The following CASP6 variants were observed in gnomAD, a reference collection of about 807,000 sequenced individuals.
CASP6 encodes the protein caspase 6.
A neutral mutation model predicts 31.8 loss-of-function variants in CASP6; 20 were observed. The ratio of observed to expected loss-of-function variants is 0.63; its 90% confidence interval spans 0.44 to 0.91. The LOEUF is 0.91. Ranked by LOEUF, CASP6 falls within the 40% of genes least tolerant of loss-of-function variation. The pLI is 0.00. For synonymous variants in CASP6, 130 were observed against 127.8 expected (o/e 1.02, Z -0.12); for missense variants, 328 against 361.1 (o/e 0.91, Z 0.74).
At chr4:109,678,320 G>A in the CASP6 span, among the ~76,000 whole-genome samples, 33 of 152,332 alleles carry the variant, frequency 2.2e-4, no homozygotes, top group South Asian at 6.2e-4. Context: ...TGTTCTCGAT[G>A]GTCGCTGTCT....
intron 5 of CASP6, among the ~76,000 whole-genome samples, chr4:109,693,517 A>G (rs955163013): frequency 1.3e-5 from 2 of 151,880 alleles, no homozygotes; most frequent in Non-Finnish European, 2.9e-5. Context: ...GTGAAACCCC[A>G]TCTCTATGAA....
In CASP6 at chr4:109,688,818, G is replaced by C. The variant is rs1471208345; in HGVS notation, c.*512C>G. 1 of 150,356 alleles carries C rather than the reference G, an allele frequency of 6.7e-6. No individual in the cohort carries two copies. The highest frequency in any genetic ancestry group is 1.5e-5 in the Non-Finnish European group (1 of 67,818). The allele number at this position is 150,356 out of a possible 1,614,324, so 9.3% of individuals were successfully genotyped here. Reference sequence around the variant, plus strand: ...AATTTTTATTTATCTAATTTCCTGAGGATTTTGTTTCTCCATATCAAACCC... The same window carrying C: ...AATTTTTATTTATCTAATTTCCTGACGATTTTGTTTCTCCATATCAAACCC... On this transcript the variant is annotated 3_prime_UTR_variant, in exon 7 of 7. Transcript: ENST00000265164.
intron 5 of CASP6, among the ~76,000 whole-genome samples, chr4:109,694,068 G>A (rs1054557194): frequency 6.6e-6 from 1 of 152,160 alleles, no homozygotes; most frequent in Non-Finnish European, 1.5e-5. Context: ...ATTTGGCAGC[G>A]GGGAAACAAT....
rs1729957004 is a variant in CASP6, at chr4:109,689,402, A to G, written c.810T>C (p.Ile270=). Residue 270 remains isoleucine (I), a synonymous_variant, in exon 7 of 7, where the codon ATT becomes ATC. Coordinates refer to ENST00000265164, the MANE Select transcript of CASP6 (RefSeq NM_001226.4). The part of the protein sequence containing the change: ...RVDFCKDPSA[I]GKKQVPCFAS... Reference sequence around the variant, plus strand: ...CAAAACAGGGAACCTGCTTCTTTCCAATTGCACTTGGGTCTTTGCAAAAGT... The same window carrying G: ...CAAAACAGGGAACCTGCTTCTTTCCGATTGCACTTGGGTCTTTGCAAAAGT... 6.2e-7 allele frequency: 1 copy of G among 1,614,236 alleles called. No homozygotes were observed. Among genetic ancestry groups the G allele is most frequent in the Non-Finnish European group, 8.5e-7 (1 of 1,180,038 alleles).
chr4:109,670,544 T>C, the CASP6 span, among the ~76,000 whole-genome samples: 2 of 151,916 alleles, frequency 1.3e-5, no homozygotes, highest in Non-Finnish European at 2.9e-5. Context: ...GGTGAAACCC[T>C]GTCTCTACTA....
At chr4:109,703,453 C>A (rs537198109), upstream of CASP6, 206 of 1,583,374 alleles carry the variant, frequency 1.3e-4, 1 homozygote, top group African/African-American at 4.0e-5. Context: ...CACAGGCTCC[C>A]GGGCCCGGCC....
At chr4:109,696,623 A>G (rs1370073686) in intron 3 of CASP6, 137 bp from the exon 4 acceptor site, 17 of 581,174 alleles carry the variant, frequency 2.9e-5, no homozygotes, top group Non-Finnish European at 1.2e-5. Context: ...AAATATAACA[A>G]TGGTGGTTTT....
chr4:109,706,154 TATATATATATATATATAC>T (rs1475438499), upstream of CASP6, among the ~76,000 whole-genome samples: 73 of 90,964 alleles, frequency 8.0e-4, no homozygotes, highest in African/African-American at 1.5e-3. Flanking sequence ...TATATATATA[TATATATATATATATATAC>T]ACACACACAT....
rs1730181429 is a variant in CASP6 at position 109,694,672 on chromosome 4, A to G, written c.336T>C (p.Asp112=). The change falls in exon 5 of 7, where the codon GAT becomes GAC. Residue 112 remains aspartate (D), a synonymous_variant. Transcript: ENST00000265164. ...GGCTCAGGAAGACACACACAAAGCA[A>G]TCGGCATCTGCGTGGCTAACAGTTG... ...EVSTVSHADA[D]CFVCVFLSHG... 12 of 1,602,966 alleles carry G rather than the reference A, an allele frequency of 7.5e-6. No individual in the cohort carries two copies. Among genetic ancestry groups the G allele is most frequent in the Non-Finnish European group, 1.0e-5 (12 of 1,175,604 alleles).
chr4:109,675,346 G>A, the CASP6 span, among the ~76,000 whole-genome samples: 3 of 152,160 alleles, frequency 2.0e-5, no homozygotes, highest in Admixed American at 6.5e-5. Context: ...TCAACTAGGC[G>A]TTAACCATGG....
the CASP6 span, among the ~76,000 whole-genome samples, chr4:109,680,382 C>CAGA: frequency 6.6e-6 from 1 of 152,122 alleles, no homozygotes. Context: ...TCACCCTGCC[C>CAGA]ATTCTGTCAT....
the CASP6 span, chr4:109,673,805 G>C: frequency 1.5e-6 from 1 of 660,422 alleles, no homozygotes; most frequent in Admixed American, 2.4e-5. Flanking sequence ...GCGGGTGAGA[G>C]GTTTTTTCGC....
intron 6 of CASP6, among the ~76,000 whole-genome samples, chr4:109,689,969 G>A (rs1285418950): frequency 6.6e-6 from 1 of 152,048 alleles, no homozygotes; most frequent in Non-Finnish European, 1.5e-5. Context: ...CAGATCACTT[G>A]AGGTCAGGAG....
downstream of CASP6, chr4:109,684,693 G>A (rs200680035): frequency 3.7e-4 from 339 of 907,140 alleles, no homozygotes; most frequent in Non-Finnish European, 5.8e-4. Context: ...TCTTTGCAAA[G>A]AATGTCTTAT....
upstream of CASP6, among the ~76,000 whole-genome samples, chr4:109,707,373 G>A (rs1350988675): frequency 6.6e-6 from 1 of 151,418 alleles, no homozygotes; most frequent in African/African-American, 2.4e-5. Context: ...AAGTAAACTG[G>A]AGGTAACTCC....
At chr4:109,707,264 T>C (rs1730639862), upstream of CASP6, among the ~76,000 whole-genome samples, 1 of 152,216 alleles carries the variant, frequency 6.6e-6, no homozygotes, top group African/African-American at 2.4e-5. Context: ...GTGGCATATA[T>C]GTTCCTGTTT....
chr4:109,685,501 G>C, downstream of CASP6: 1 of 488,842 alleles, frequency 2.0e-6, no homozygotes, highest in Non-Finnish European at 3.7e-6. Context: ...ATTGTTCATT[G>C]AAATGGTTGA....
upstream of CASP6, among the ~76,000 whole-genome samples, chr4:109,707,193 T>G (rs1053768313): frequency 6.6e-6 from 1 of 152,218 alleles, no homozygotes; most frequent in Non-Finnish European, 1.5e-5. Context: ...AAAATTTGTG[T>G]GACTCTTTTA....
At position 109,703,379 on chromosome 4, in the gene CASP6, C is replaced by T; in HGVS notation, c.17G>A (p.Gly6Glu). 1 of 1,611,706 alleles carries T rather than the reference C, an allele frequency of 6.2e-7. No individual in the cohort carries two copies. The highest frequency in any genetic ancestry group is 8.5e-7 in the Non-Finnish European group (1 of 1,179,272). Reference protein sequence around the residue: MSSASGLRRGHPAGGE... With the variant: MSSASELRRGHPAGGE... ...ACCTGCCGGGTGCCCCCTGCGGAGCCCCGAGGCCGAGCTCATTGCAGCCAA... is the reference window on the plus strand; with the variant it reads ...ACCTGCCGGGTGCCCCCTGCGGAGCTCCGAGGCCGAGCTCATTGCAGCCAA... Residue 6 changes from glycine to glutamate, a missense_variant, in exon 1 of 7, where the codon GGG (glycine) becomes GAG (glutamate). Coordinates refer to ENST00000265164, the MANE Select transcript of CASP6 (RefSeq NM_001226.4).
Sources: allele counts gnomAD v4.1 joint callset (sites outside exome capture counted in the v4.1 genomes callset), GRCh38; gene constraint gnomAD v4.1.1; transcripts MANE v1.5; gene names NCBI Gene and HGNC (gene_info 2026-07-23, HGNC 2026-07-21).